COL23A1: variants seen among roughly 807,000 people sequenced by gnomAD.
COL23A1 encodes the protein collagen type XXIII alpha 1 chain.
A neutral mutation model predicts 99.3 loss-of-function variants in COL23A1; 97 were observed. The observed-to-expected ratio is 0.98, with a 90% confidence interval of 0.83 to 1.16. COL23A1 has a LOEUF of 1.16. COL23A1 is among the 50% of genes most tolerant of loss of function. The probability of loss-of-function intolerance (pLI) is 0.00; values close to 1 mark genes in which losing one functional copy is unlikely to be tolerated. For missense variants in COL23A1, 762 were observed against 757.4 expected, an observed-to-expected ratio of 1.01 and a Z score of -0.07; for synonymous variants, 320 against 308.2, an observed-to-expected ratio of 1.04 and a Z score of -0.40.
At chr5:178,358,435 G>GTA (rs1380609999) in intron 2 of COL23A1, among the ~76,000 whole-genome samples, 3 of 145,712 alleles carry the variant, frequency 2.1e-5, no homozygotes, top group East Asian at 4.0e-4. Context: ...GTATGTGTAT[G>GTA]TGTGTATGTG....
chr5:178,586,126 T>C (rs977875340), intron 1 of COL23A1, among the ~76,000 whole-genome samples: 3 of 152,338 alleles, frequency 2.0e-5, no homozygotes, highest in African/African-American at 7.2e-5. Context: ...GACTGAGTGG[T>C]ACTCAGGTGT....
rs1262809687 is a variant in COL23A1, at chr5:178,259,753, G to A, written c.703-6C>T. On this transcript the variant is annotated splice_region_variant and splice_polypyrimidine_tract_variant and intron_variant, in intron 11 of 28. Coordinates refer to ENST00000390654, the MANE Select transcript of COL23A1 (RefSeq NM_173465.4). ...CCAGGTACTCCAGGCTCACCCTGGGGGAGGCAATGGGGGGTTCAAGAGCAA... is the reference window on the plus strand; with the variant it reads ...CCAGGTACTCCAGGCTCACCCTGGGAGAGGCAATGGGGGGTTCAAGAGCAA... 3 of 1,603,260 alleles carry A rather than the reference G, an allele frequency of 1.9e-6. No individual in the cohort carries two copies. The highest frequency in any genetic ancestry group is 1.7e-5 in the Admixed American group (1 of 59,366).
At chr5:178,380,393 T>TTGTGTGTGTGTG (rs112420315) in intron 2 of COL23A1, among the ~76,000 whole-genome samples, 4 of 147,222 alleles carry the variant, frequency 2.7e-5, no homozygotes, top group South Asian at 4.4e-4. Flanking sequence ...GAGCATGCAT[T>TTGTGTGTGTGTG]TGTGTGTGTG....
At chr5:178,558,148 G>A (rs757384817) in intron 2 of COL23A1, among the ~76,000 whole-genome samples, 1 of 151,692 alleles carries the variant, frequency 6.6e-6, no homozygotes, top group African/African-American at 2.4e-5. Flanking sequence ...AGACCTTCTT[G>A]GGGGCCTCTT....
intron 2 of COL23A1, among the ~76,000 whole-genome samples, chr5:178,399,204 G>A (rs991546788): frequency 7.2e-5 from 11 of 152,248 alleles, no homozygotes; most frequent in African/African-American, 2.7e-4. Flanking sequence ...GAGGTCAGCA[G>A]CCCCAGGACC....
intron 5 of COL23A1, among the ~76,000 whole-genome samples, chr5:178,285,271 C>T (rs1313822379): frequency 6.6e-6 from 1 of 152,180 alleles, no homozygotes; most frequent in East Asian, 1.9e-4. Context: ...CAGTCTCCAC[C>T]ACCAGAGTCT....
intron 2 of COL23A1, among the ~76,000 whole-genome samples, chr5:178,551,128 T>A (rs576529599): frequency 3.4e-5 from 5 of 148,580 alleles, no homozygotes; most frequent in South Asian, 4.2e-4. Flanking sequence ...CTAGTAATTT[T>A]AAAATATATA....
intron 3 of COL23A1, among the ~76,000 whole-genome samples, chr5:178,292,878 G>T (rs1757536749): frequency 6.6e-6 from 1 of 152,198 alleles, no homozygotes; most frequent in Non-Finnish European, 1.5e-5. Context: ...AGATCAAGAA[G>T]TCCTGGAAGC....
intron 2 of COL23A1, among the ~76,000 whole-genome samples, chr5:178,380,579 A>T (rs905658644): frequency 6.6e-6 from 1 of 152,154 alleles, no homozygotes; most frequent in Non-Finnish European, 1.5e-5. Flanking sequence ...TTTTAACAGA[A>T]TGTATACATT....
rs138159786 is a variant in COL23A1 at position 178,327,600 on chromosome 5, C to T, written c.362-20681G>A. ...GGCCGGTGTTGCCAGGTCCACTCTG[C>T]GGTGGAGGAGACCGGGGCTCAGGCG... On this transcript the variant is annotated intron_variant, in intron 2 of 28. Transcript: ENST00000390654. Among the ~76,000 whole-genome samples the T allele has an allele frequency of 3.8e-3, 575 of 152,264 alleles. 4 individuals are homozygous for T. The highest frequency in any genetic ancestry group is 0.013 in the African/African-American group (524 of 41,554).
At chr5:178,492,327 C>T (rs531524940) in intron 2 of COL23A1, among the ~76,000 whole-genome samples, 18 of 152,224 alleles carry the variant, frequency 1.2e-4, no homozygotes, top group Middle Eastern at 3.4e-3. Flanking sequence ...GCAGCGCCTA[C>T]CCCAACGGGA....
At chr5:178,343,940 C>T (rs372516430) in intron 2 of COL23A1, among the ~76,000 whole-genome samples, 1 of 152,084 alleles carries the variant, frequency 6.6e-6, no homozygotes. Context: ...GGATTACAGG[C>T]GTGAGCCACC....
intron 2 of COL23A1, among the ~76,000 whole-genome samples, chr5:178,355,050 T>C (rs1761559271): frequency 7.3e-6 from 1 of 137,602 alleles, no homozygotes; most frequent in Non-Finnish European, 1.5e-5. Context: ...AGGTGAGACT[T>C]TGTCTCAAAA....
At chr5:178,495,706 C>T (rs1437521945) in intron 2 of COL23A1, among the ~76,000 whole-genome samples, 1 of 152,034 alleles carries the variant, frequency 6.6e-6, no homozygotes, top group Admixed American at 6.6e-5. Flanking sequence ...GACCAAGAAA[C>T]AGCAAGCTGC....
At chr5:178,284,633 GA>G (rs1024456091) in intron 5 of COL23A1, among the ~76,000 whole-genome samples, 4 of 152,094 alleles carry the variant, frequency 2.6e-5, no homozygotes, top group African/African-American at 9.7e-5. Context: ...CTGTAAGGGT[GA>G]AAAATTGTCA....
At chr5:178,386,404 A>T (rs1763675596) in intron 2 of COL23A1, among the ~76,000 whole-genome samples, 1 of 151,338 alleles carries the variant, frequency 6.6e-6, no homozygotes, top group Non-Finnish European at 1.5e-5. Flanking sequence ...GCACCGCTGC[A>T]CTCCAGCTTG....
chr5:178,578,401 CT>C (rs896165214), intron 1 of COL23A1, among the ~76,000 whole-genome samples: 32 of 152,292 alleles, frequency 2.1e-4, no homozygotes, highest in African/African-American at 7.7e-4. Flanking sequence ...CAAGCCTGGT[CT>C]GAAAGGAGGC....
At chr5:178,389,068 T>A (rs1763819945) in intron 2 of COL23A1, among the ~76,000 whole-genome samples, 1 of 152,164 alleles carries the variant, frequency 6.6e-6, no homozygotes, top group Non-Finnish European at 1.5e-5. Flanking sequence ...GAAGCCTTCA[T>A]AACCCAGCCT....
intron 5 of COL23A1, among the ~76,000 whole-genome samples, chr5:178,279,085 C>T (rs1005510745): frequency 8.5e-5 from 13 of 152,200 alleles, no homozygotes; most frequent in African/African-American, 1.9e-4. Flanking sequence ...AAGCTTTGCT[C>T]GAGCCCTGTG....
Sources: gnomAD v4.1 joint callset for allele counts (sites outside exome capture counted in the v4.1 genomes callset) on GRCh38, gnomAD v4.1.1 for gene constraint, MANE v1.5 for transcripts, NCBI Gene and HGNC (gene_info 2026-07-23, HGNC 2026-07-21) for gene names.